The following RNF24 variants were observed in gnomAD, a reference collection of about 807,000 sequenced individuals.
RNF24 encodes the protein ring finger protein 24.
RNF24 carries 14 observed loss-of-function variants against 20.0 expected under a neutral mutation model. That is an observed-to-expected ratio of 0.70 (90% CI 0.46 to 1.10). The LOEUF is 1.10. Ranked by LOEUF, RNF24 falls within the 50% of genes least tolerant of loss-of-function variation. The pLI is 0.00. For missense variants in RNF24, 124 were observed against 177.6 expected (o/e 0.70, Z 1.71); for synonymous variants, 45 against 61.1 (o/e 0.74, Z 1.23).
At chr20:3,993,620 T>C (rs1368502240) in intron 1 of RNF24, among the ~76,000 whole-genome samples, 1 of 152,118 alleles carries the variant, frequency 6.6e-6, no homozygotes, top group Non-Finnish European at 1.5e-5. Context: ...ACTCTTCCCA[T>C]GAGAACCTGC....
chr20:3,982,103 GTCTCTC>G (rs34868373), intron 1 of RNF24, among the ~76,000 whole-genome samples: 1,563 of 137,110 alleles, frequency 0.011, 19 homozygotes, highest in African/African-American at 0.023. Context: ...GTGAGACCTC[GTCTCTC>G]TCTCTCTCTC....
intron 1 of RNF24, among the ~76,000 whole-genome samples, chr20:3,997,387 A>G (rs1318555318): frequency 6.6e-6 from 1 of 152,112 alleles, no homozygotes; most frequent in South Asian, 2.1e-4. Flanking sequence ...ACCATTTAGA[A>G]TAACAGATCA....
At position 4,015,549 on chromosome 20, in the gene RNF24, G is replaced by C. The variant is rs1469743032; in HGVS notation, c.-120C>G. 4 of 150,746 alleles carry C rather than the reference G, an allele frequency of 2.7e-5. No homozygotes were observed. The East Asian group carries it at 7.9e-4, about 30-fold the overall frequency. The allele number at this position is 150,746 out of a possible 1,614,324, so 9.3% of individuals were successfully genotyped here. On this transcript the variant is annotated 5_prime_UTR_variant, in exon 1 of 6. Transcript: ENST00000358395. ...GACAGAGCGCGGCGGAGGTGGCGGC[G>C]GCTGACTGCGCCCGGCGGCCCCTCG...
At chr20:3,962,843 G>T (rs1216522611) in intron 2 of RNF24, among the ~76,000 whole-genome samples, 1 of 151,360 alleles carries the variant, frequency 6.6e-6, no homozygotes, top group Non-Finnish European at 1.5e-5. Context: ...TGGGATTACA[G>T]GTGCCCACCA....
At chr20:4,011,345 T>C (rs1440447556) in intron 1 of RNF24, among the ~76,000 whole-genome samples, 4 of 152,212 alleles carry the variant, frequency 2.6e-5, no homozygotes, top group Non-Finnish European at 4.4e-5. Context: ...TCAGATTTTG[T>C]ATGTACCCTT....
intron 1 of RNF24, among the ~76,000 whole-genome samples, chr20:3,998,451 C>T (rs1981076074): frequency 6.6e-6 from 1 of 151,632 alleles, no homozygotes; most frequent in Non-Finnish European, 1.5e-5. Context: ...GGGACATGCC[C>T]GTAGTCCCAG....
chr20:3,981,490 C>G (rs1979372954), intron 1 of RNF24, among the ~76,000 whole-genome samples: 1 of 151,036 alleles, frequency 6.6e-6, no homozygotes, highest in Non-Finnish European at 1.5e-5. Context: ...AAAGTTCTAC[C>G]TTTTTTGGAG....
chr20:3,961,281 A>G (rs1449624666), intron 2 of RNF24, among the ~76,000 whole-genome samples: 1 of 152,074 alleles, frequency 6.6e-6, no homozygotes, highest in Non-Finnish European at 1.5e-5. Context: ...GGGTGTCTAG[A>G]GTCCCAGCTA....
intron 1 of RNF24, chr20:3,974,235 C>A: frequency 2.5e-6 from 3 of 1,219,800 alleles, no homozygotes; most frequent in East Asian, 2.7e-5. Context: ...TGTTAAAAAG[C>A]ATCTACAAAA....
Position 3,932,811 on chromosome 20 carries a change from T to C in RNF24, c.*1252A>G. ...CTTTCCATAGCTAATTTATACAATATTCACAAATCTTAATGGACTTTGAGT... is the reference window on the plus strand; with the variant it reads ...CTTTCCATAGCTAATTTATACAATACTCACAAATCTTAATGGACTTTGAGT... On this transcript the variant is annotated 3_prime_UTR_variant, in exon 6 of 6. Coordinates refer to ENST00000358395, the MANE Select transcript of RNF24 (RefSeq NM_001134337.3). The C allele has an allele frequency of 2.5e-6, 1 of 397,856 alleles. No individual in the cohort carries two copies. 24.6% of individuals were successfully genotyped at this position (397,856 alleles called of 1,614,324 possible). A position where few individuals can be genotyped will look rare whatever the true frequency, so the allele number is the denominator to read the frequency against.
intron 1 of RNF24, among the ~76,000 whole-genome samples, chr20:3,995,860 C>T (rs1013685000): frequency 4.0e-5 from 6 of 151,784 alleles, no homozygotes; most frequent in Non-Finnish European, 7.4e-5. Flanking sequence ...AAATCACAAT[C>T]ATTTCAGAAC....
intron 1 of RNF24, among the ~76,000 whole-genome samples, chr20:3,991,022 G>A (rs2147046887): frequency 6.6e-6 from 1 of 152,132 alleles, no homozygotes; most frequent in Non-Finnish European, 1.5e-5. Context: ...AGCTAGCTTT[G>A]TATTTGTCTA....
At chr20:3,959,468 TTGAG>T (rs71331084) in intron 2 of RNF24, among the ~76,000 whole-genome samples, 58,660 of 151,826 alleles carry the variant, frequency 0.39, 12,346 homozygotes, top group Non-Finnish European at 0.47. Context: ...AAATTTATTT[TTGAG>T]TATTATTAAA....
chr20:4,008,679 TG>T (rs1982183559), intron 1 of RNF24, among the ~76,000 whole-genome samples: 1 of 149,394 alleles, frequency 6.7e-6, no homozygotes, highest in Non-Finnish European at 1.5e-5. Context: ...CCCGAGTAAC[TG>T]GGATTACAGG....
chr20:4,005,443 T>C (rs1160377590), intron 1 of RNF24, among the ~76,000 whole-genome samples: 1 of 152,178 alleles, frequency 6.6e-6, no homozygotes, highest in Non-Finnish European at 1.5e-5. Context: ...ATTATAGCCA[T>C]GCATGAGATT....
chr20:3,964,113 A>ATAATG, intron 1 of RNF24, 89 bp from the exon 2 acceptor site: 3 of 1,074,864 alleles, frequency 2.8e-6, no homozygotes, highest in South Asian at 3.3e-5. Context: ...AGGCACAATG[A>ATAATG]CCTCATCTGA....
At chr20:4,002,065 A>C (rs1981442740) in intron 1 of RNF24, among the ~76,000 whole-genome samples, 1 of 152,064 alleles carries the variant, frequency 6.6e-6, no homozygotes, top group Admixed American at 6.6e-5. Context: ...AGCCTGGGCC[A>C]CATCATGAAA....
At chr20:3,957,235 T>C (rs758238266) in intron 2 of RNF24, among the ~76,000 whole-genome samples, 2 of 151,682 alleles carry the variant, frequency 1.3e-5, no homozygotes, top group African/African-American at 2.4e-5. Flanking sequence ...GAGGCGGAGG[T>C]TGCAGTGAGC....
intron 2 of RNF24, among the ~76,000 whole-genome samples, chr20:3,959,898 T>C (rs991666228): frequency 2.0e-5 from 3 of 152,192 alleles, no homozygotes; most frequent in African/African-American, 7.2e-5. Context: ...GTTTGAGATA[T>C]AACAAACACA....
Sources: gnomAD v4.1 joint callset for allele counts (sites outside exome capture counted in the v4.1 genomes callset) on GRCh38, gnomAD v4.1.1 for gene constraint, MANE v1.5 for transcripts, NCBI Gene and HGNC (gene_info 2026-07-23, HGNC 2026-07-21) for gene names.